The following MAMLD1 variants were observed in gnomAD, a reference collection of about 807,000 sequenced individuals.
The protein encoded by MAMLD1 is mastermind-like domain-containing protein 1.
In MAMLD1, 14 loss-of-function variants were observed where a neutral mutation model predicts 45.0. The ratio of observed to expected loss-of-function variants is 0.31; its 90% confidence interval spans 0.21 to 0.49. The LOEUF (loss-of-function observed/expected upper bound fraction) is 0.49. MAMLD1 is among the 20% of genes least tolerant of loss of function. The probability of loss-of-function intolerance (pLI) is 0.99; values close to 1 mark genes in which losing one functional copy is unlikely to be tolerated. For missense variants in MAMLD1, 543 were observed against 603.6 expected (o/e 0.90, Z 1.05); for synonymous variants, 254 against 247.8 (o/e 1.02, Z -0.24).
In MAMLD1 at chrX:150,512,055, C is replaced by CA; in HGVS notation, c.*97dup. On this transcript the variant is annotated 3_prime_UTR_variant, in exon 8 of 8. Transcript: ENST00000370401. ...TGTAGCCGGATCAAGGCAAGCCCCC[C>CA]ATCTAGCAAGCACTTGATGCCACCC... The CA allele has an allele frequency of 8.9e-7, 1 of 1,119,961 alleles. No individual in the cohort carries two copies. The highest frequency in any genetic ancestry group is 1.2e-6 in the Non-Finnish European group (1 of 851,958). 92.3% of individuals were successfully genotyped at this position (1,119,961 alleles called of 1,213,427 possible).
chrX:150,403,984 GA>G (rs1363264454), intron 1 of MAMLD1, among the ~76,000 whole-genome samples: 1 of 91,372 alleles, frequency 1.1e-5, no homozygotes, highest in South Asian at 4.9e-4. Context: ...AAGAAAGAAA[GA>G]AAGAAAGAAA....
At chrX:150,463,274 C>G (rs1006161800) in intron 3 of MAMLD1, among the ~76,000 whole-genome samples, 1 of 111,863 alleles carries the variant, frequency 8.9e-6, no homozygotes, top group Non-Finnish European at 1.9e-5. Flanking sequence ...CAGTAATCAT[C>G]TCTATCCCAC....
intron 5 of MAMLD1, among the ~76,000 whole-genome samples, chrX:150,475,652 G>A (rs1369804010): frequency 4.4e-5 from 5 of 112,451 alleles, no homozygotes; most frequent in African/African-American, 1.6e-4. Context: ...AGACAGAACT[G>A]AGGCTCAAGT....
intron 2 of MAMLD1, among the ~76,000 whole-genome samples, chrX:150,458,052 C>T (rs2035925815): frequency 9.0e-6 from 1 of 111,596 alleles, no homozygotes; most frequent in Admixed American, 9.5e-5. Context: ...CCAAGACTCT[C>T]ATGGCATCAG....
intron 1 of MAMLD1, among the ~76,000 whole-genome samples, chrX:150,441,292 G>C (rs1165927828): frequency 2.8e-5 from 3 of 107,714 alleles, no homozygotes; most frequent in Non-Finnish European, 5.7e-5. Context: ...ACTGTCTTCA[G>C]TATTATTGAT....
intron 1 of MAMLD1, chrX:150,421,187 T>C (rs1042216600): frequency 8.8e-6 from 1 of 113,500 alleles, no homozygotes; most frequent in African/African-American, 3.2e-5. Context: ...CAGGTGGGAG[T>C]GACCCGATTT....
intron 1 of MAMLD1, among the ~76,000 whole-genome samples, chrX:150,403,977 A>AAAGAAAGAAAGAAAGAAAGAAAGG (rs2033921713): frequency 2.0e-5 from 2 of 99,080 alleles, no homozygotes; most frequent in African/African-American, 7.8e-5. Flanking sequence ...AGAAAGAAAG[A>AAAGAAAGAAAGAAAGAAAGAAAGG]AAGAAAGAAA....
At chrX:150,483,889 G>A (rs1314432316) in intron 5 of MAMLD1, among the ~76,000 whole-genome samples, 1 of 112,283 alleles carries the variant, frequency 8.9e-6, no homozygotes, top group Non-Finnish European at 1.9e-5. Flanking sequence ...AGCTAGTTTC[G>A]AAATTCAGGC....
At chrX:150,417,013 CT>C (rs1201938176) in intron 1 of MAMLD1, among the ~76,000 whole-genome samples, 1,496 of 108,329 alleles carry the variant, frequency 0.014, 33 homozygotes, top group African/African-American at 0.049. Context: ...TTCTTTCTTT[CT>C]TTTTTTTTAT....
chrX:150,489,782 G>A (rs1179481854), intron 5 of MAMLD1, among the ~76,000 whole-genome samples: 3 of 110,074 alleles, frequency 2.7e-5, no homozygotes, highest in East Asian at 5.8e-4. Flanking sequence ...CACCCGTATC[G>A]GGTTAGACAT....
chrX:150,405,005 A>G (rs1268986411), intron 1 of MAMLD1, among the ~76,000 whole-genome samples: 1 of 112,559 alleles, frequency 8.9e-6, no homozygotes, highest in Non-Finnish European at 1.9e-5. Context: ...AGGTGTTTGT[A>G]TGGACATACA....
intron 1 of MAMLD1, among the ~76,000 whole-genome samples, chrX:150,444,222 C>T (rs2035415635): frequency 9.0e-6 from 1 of 111,703 alleles, no homozygotes; most frequent in South Asian, 3.7e-4. Flanking sequence ...GTCTAGGCTC[C>T]TCATTTGGCT....
chrX:150,389,405 C>T (rs371433404), intron 1 of MAMLD1, among the ~76,000 whole-genome samples: 1 of 111,659 alleles, frequency 9.0e-6, no homozygotes, highest in East Asian at 2.8e-4. Flanking sequence ...TGGTTTATTA[C>T]GAAGTGTGTT....
At chrX:150,510,735 C>A (rs1020196391) in intron 7 of MAMLD1, among the ~76,000 whole-genome samples, 2 of 112,454 alleles carry the variant, frequency 1.8e-5, no homozygotes, top group African/African-American at 6.5e-5. Context: ...GTCTTGGGAA[C>A]ACTCAGCATT....
intron 1 of MAMLD1, among the ~76,000 whole-genome samples, chrX:150,399,819 AG>A (rs782648880): frequency 8.9e-6 from 1 of 112,066 alleles, no homozygotes; most frequent in Non-Finnish European, 1.9e-5. Context: ...TAAGCCCCAC[AG>A]TTTATGGTCA....
rs191433073 is a variant in MAMLD1 at position 150,512,090 on chromosome X, C to T, written c.*131C>T. ...GCACTTGATGCCACCCAGAACTGGG[C>T]TTCTTCAGAACAATCTGAGTCCAGG... On this transcript the variant is annotated 3_prime_UTR_variant, in exon 8 of 8. Transcript: ENST00000370401. 6.3e-5 allele frequency: 72 copies of T among 1,148,345 alleles called. 2 individuals are homozygous for T. In the Middle Eastern group the frequency reaches 2.1e-3, roughly 34 times the overall value. 94.6% of individuals were successfully genotyped at this position (1,148,345 alleles called of 1,213,427 possible).
intron 5 of MAMLD1, among the ~76,000 whole-genome samples, chrX:150,477,431 C>T (rs782331490): frequency 2.7e-5 from 3 of 112,020 alleles, no homozygotes; most frequent in South Asian, 3.8e-4. Context: ...CAGGGGTGGA[C>T]GGTGACTTGG....
chrX:150,414,312 A>G (rs1400144110), intron 1 of MAMLD1, among the ~76,000 whole-genome samples: 1 of 112,046 alleles, frequency 8.9e-6, no homozygotes, highest in Non-Finnish European at 1.9e-5. Context: ...CTCACCAGGC[A>G]GGTGGATCAC....
intron 1 of MAMLD1, among the ~76,000 whole-genome samples, chrX:150,431,073 C>T (rs1557404032): frequency 8.9e-6 from 1 of 112,381 alleles, no homozygotes; most frequent in Non-Finnish European, 1.9e-5. Flanking sequence ...AATCTATGAA[C>T]ATGGTATATT....
Sources: gnomAD v4.1 joint callset for allele counts (sites outside exome capture counted in the v4.1 genomes callset) on GRCh38, gnomAD v4.1.1 for gene constraint, MANE v1.5 for transcripts, NCBI Gene and HGNC (gene_info 2026-07-23, HGNC 2026-07-21) for gene names.